The following OSBPL1A variants were observed in gnomAD, a reference collection of about 807,000 sequenced individuals.
OSBPL1A encodes the protein oxysterol-binding protein-related protein 1.
OSBPL1A carries 80 observed loss-of-function variants against 137.1 expected under a neutral mutation model. That is an observed-to-expected ratio of 0.58 (90% CI 0.49 to 0.70). The LOEUF is 0.70. Ranked by LOEUF, OSBPL1A falls within the 30% of genes least tolerant of loss-of-function variation. The pLI, the probability that OSBPL1A is intolerant of heterozygous loss-of-function variation, is 0.00. For missense variants in OSBPL1A, 970 were observed against 1,129.4 expected, an observed-to-expected ratio of 0.86 and a Z score of 2.02; for synonymous variants, 365 against 389.7, an observed-to-expected ratio of 0.94 and a Z score of 0.75.
At chr18:24,311,941 G>T in intron 13 of OSBPL1A, 43 bp downstream of exon 13, 1 of 1,609,082 alleles carries the variant, frequency 6.2e-7, no homozygotes, top group South Asian at 1.1e-5. Context: ...TAAACCTCAT[G>T]ACATAGATAG....
At chr18:24,340,480 C>G (rs1261744922) in intron 5 of OSBPL1A, among the ~76,000 whole-genome samples, 1 of 152,022 alleles carries the variant, frequency 6.6e-6, no homozygotes, top group Non-Finnish European at 1.5e-5. Flanking sequence ...TCAAGACCAG[C>G]CTGGGCAACA....
At chr18:24,347,941 G>T (rs986591145) in intron 4 of OSBPL1A, 1 of 151,172 alleles carries the variant, frequency 6.6e-6, no homozygotes, top group African/African-American at 2.4e-5. Flanking sequence ...CGTACAACTC[G>T]TATTAATACA....
chr18:24,295,286 T>C (rs1250472952), intron 14 of OSBPL1A, among the ~76,000 whole-genome samples: 1 of 152,218 alleles, frequency 6.6e-6, no homozygotes, highest in East Asian at 1.9e-4. Context: ...TGCTGATTTG[T>C]TTGAGTGCCT....
intron 7 of OSBPL1A, among the ~76,000 whole-genome samples, chr18:24,326,453 C>T (rs1182167671): frequency 2.6e-5 from 4 of 152,218 alleles, no homozygotes; most frequent in African/African-American, 4.8e-5. Context: ...AGACGCCTGA[C>T]ACAAGCAGGT....
intron 17 of OSBPL1A, among the ~76,000 whole-genome samples, chr18:24,218,953 T>C (rs2087799221): frequency 6.6e-6 from 1 of 152,066 alleles, no homozygotes. Flanking sequence ...TAAAAAGCTA[T>C]GTCCCTAAAA....
At chr18:24,245,271 T>TC (rs765353018) in intron 15 of OSBPL1A, among the ~76,000 whole-genome samples, 5 of 151,996 alleles carry the variant, frequency 3.3e-5, no homozygotes, top group South Asian at 2.1e-4. Flanking sequence ...AATTTTTTTT[T>TC]CGGCAGAGAC....
At chr18:24,283,770 G>A (rs574872368) in intron 14 of OSBPL1A, among the ~76,000 whole-genome samples, 6 of 152,202 alleles carry the variant, frequency 3.9e-5, no homozygotes, top group African/African-American at 1.4e-4. Flanking sequence ...CATAGATATA[G>A]TTCTTTTATT....
At chr18:24,357,683 GCTT>G (rs2091559928) in intron 4 of OSBPL1A, 1 of 152,084 alleles carries the variant, frequency 6.6e-6, no homozygotes, top group East Asian at 1.9e-4. Flanking sequence ...AGGAGAAGAG[GCTT>G]CTTCTCCACG....
chr18:24,321,527 G>A (rs2090857357), intron 7 of OSBPL1A: 4 of 375,054 alleles, frequency 1.1e-5, no homozygotes, highest in East Asian at 1.1e-4. Context: ...AGGCTCAAGC[G>A]ATCTGCCAGC....
rs1173287416 is a variant in OSBPL1A at position 24,271,689 on chromosome 18, T to A, written c.1281+9153A>T. On this transcript the variant is annotated intron_variant, in intron 15 of 27. Transcript: ENST00000319481. The surrounding 1 kb of genome is among the most constrained non-coding windows in gnomAD (Gnocchi z 4.0). Reference sequence around the variant, plus strand: ...CGCTCCTCGCAAGCTCCAGCGCGAATGCGCTCGGCCTGCTCCTCCTCCTCC... The same window carrying A: ...CGCTCCTCGCAAGCTCCAGCGCGAAAGCGCTCGGCCTGCTCCTCCTCCTCC... 1 of 985,776 alleles carries A rather than the reference T, an allele frequency of 1.0e-6. No homozygotes were observed. Among genetic ancestry groups the A allele is most frequent in the African/African-American group, 1.7e-5 (1 of 57,248 alleles). The allele number at this position is 985,776 out of a possible 1,614,324, so 61.1% of individuals were successfully genotyped here. A position where few individuals can be genotyped will look rare whatever the true frequency, so the allele number is the denominator to read the frequency against.
intron 15 of OSBPL1A, among the ~76,000 whole-genome samples, chr18:24,280,328 C>T (rs954015506): frequency 2.6e-5 from 4 of 151,922 alleles, no homozygotes; most frequent in African/African-American, 9.7e-5. Context: ...GTGATCTGCC[C>T]GCCTCAGCCT....
intron 4 of OSBPL1A, chr18:24,357,630 C>T (rs375410701): frequency 2.6e-5 from 4 of 152,156 alleles, no homozygotes; most frequent in African/African-American, 9.6e-5. Flanking sequence ...AGTTTGGGGT[C>T]CCAAAATTTA....
Position 24,315,133 on chromosome 18 carries a change from G to C in OSBPL1A, c.871-786C>G, listed in dbSNP as rs991315921. ...TGGGAGTCACGCTCTCTGGAGGAAAGGGGCCAAGGAGCTGTGGAAGTAAGT... is the reference window on the plus strand; with the variant it reads ...TGGGAGTCACGCTCTCTGGAGGAAACGGGCCAAGGAGCTGTGGAAGTAAGT... On this transcript the variant is annotated intron_variant, in intron 11 of 27. Coordinates refer to ENST00000319481, the MANE Select transcript of OSBPL1A (RefSeq NM_080597.4). 4.6e-5 allele frequency among the ~76,000 whole-genome samples: 7 copies of C among 152,314 alleles called. No individual in the cohort carries two copies. The East Asian group carries it at 1.4e-3, about 29-fold the overall frequency.
At chr18:24,297,938 G>A (rs1475238480) in intron 14 of OSBPL1A, among the ~76,000 whole-genome samples, 2 of 152,114 alleles carry the variant, frequency 1.3e-5, no homozygotes, top group African/African-American at 4.8e-5. Context: ...GGTAAAATGA[G>A]GCTGAAACCT....
chr18:24,294,583 T>C (rs2090255956), intron 14 of OSBPL1A, among the ~76,000 whole-genome samples: 1 of 102,752 alleles, frequency 9.7e-6, no homozygotes, highest in Non-Finnish European at 2.0e-5. Flanking sequence ...TCCCAGTCCA[T>C]AAAGACCATA....
At position 24,389,507 on chromosome 18, in the gene OSBPL1A, A is replaced by G. The variant is rs112539144; in HGVS notation, c.-3+8148T>C. ...CCACTTAATATAGTAGATAAGTTCT[A>G]TGGCCCCAACAGTTCTGAAATATTG... On this transcript the variant is annotated intron_variant, in intron 1 of 27. Coordinates refer to ENST00000319481, the MANE Select transcript of OSBPL1A (RefSeq NM_080597.4). Among the ~76,000 whole-genome samples the G allele has an allele frequency of 6.8e-3, 1,029 of 152,344 alleles. 8 individuals carry two copies. The highest frequency in any genetic ancestry group is 0.024 in the African/African-American group (977 of 41,566).
intron 17 of OSBPL1A, among the ~76,000 whole-genome samples, chr18:24,213,597 T>A (rs960968254): frequency 6.6e-6 from 1 of 152,170 alleles, no homozygotes; most frequent in Non-Finnish European, 1.5e-5. Flanking sequence ...AAATCTGATG[T>A]AATTATCTGA....
intron 15 of OSBPL1A, among the ~76,000 whole-genome samples, chr18:24,279,162 C>T (rs2089904284): frequency 6.6e-6 from 1 of 151,736 alleles, no homozygotes; most frequent in Admixed American, 6.6e-5. Flanking sequence ...TGCCTGTAAT[C>T]CCAGCACTTT....
chr18:24,260,405 GC>G (rs1188364003), intron 15 of OSBPL1A, among the ~76,000 whole-genome samples: 2 of 152,116 alleles, frequency 1.3e-5, no homozygotes, highest in Non-Finnish European at 2.9e-5. Flanking sequence ...GGTAGAAACA[GC>G]CCAAATGCCC....
Sources: gnomAD v4.1 joint callset for allele counts (sites outside exome capture counted in the v4.1 genomes callset) on GRCh38, gnomAD v4.1.1 for gene constraint, Gnocchi (gnomAD v3.1) non-coding constraint, MANE v1.5 for transcripts, NCBI Gene and HGNC (gene_info 2026-07-23, HGNC 2026-07-21) for gene names.